The following ADARB2 variants were observed in gnomAD, a reference collection of about 807,000 sequenced individuals.
ADARB2 encodes the protein inactive double-stranded RNA-specific editase B2.
Under a neutral mutation model 62.2 loss-of-function variants are expected in ADARB2, and 25 were observed. The ratio of observed to expected loss-of-function variants is 0.40; its 90% CI spans 0.29 to 0.56. The LOEUF is 0.56. ADARB2 is among the 20% of genes least tolerant of loss of function. The probability of loss-of-function intolerance (pLI) is 0.43; values close to 1 mark genes in which losing one functional copy is unlikely to be tolerated. For synonymous variants in ADARB2, 572 were observed against 500.8 expected, an observed-to-expected ratio of 1.14 and a Z score of -1.90; for missense variants, 1,071 against 1,077.4, an observed-to-expected ratio of 0.99 and a Z score of 0.08.
chr10:1,694,488 T>C (rs1019317838), intron 1 of ADARB2, among the ~76,000 whole-genome samples: 1 of 152,086 alleles, frequency 6.6e-6, no homozygotes, highest in Non-Finnish European at 1.5e-5. Context: ...TTTTAAACTG[T>C]ACATGCACGA....
chr10:1,381,109 C>T (rs1832478588), intron 1 of ADARB2, among the ~76,000 whole-genome samples: 2 of 152,136 alleles, frequency 1.3e-5, no homozygotes, highest in Non-Finnish European at 2.9e-5. Flanking sequence ...AAACAATAGA[C>T]AATTTTTTCA....
intron 1 of ADARB2, among the ~76,000 whole-genome samples, chr10:1,453,634 A>G (rs1831063652): frequency 6.6e-6 from 1 of 152,216 alleles, no homozygotes; most frequent in African/African-American, 2.4e-5. Flanking sequence ...AATATTAAAA[A>G]TTCCTACTAC....
chr10:1,390,702 T>A (rs1163246946), intron 1 of ADARB2, among the ~76,000 whole-genome samples: 1 of 152,238 alleles, frequency 6.6e-6, no homozygotes, highest in East Asian at 1.9e-4. Flanking sequence ...TAAAAAGCCT[T>A]AGACATTGCA....
chr10:1,427,692 A>G (rs940596841), intron 1 of ADARB2, among the ~76,000 whole-genome samples: 1 of 152,236 alleles, frequency 6.6e-6, no homozygotes. Context: ...TAAACATGCA[A>G]CTACCACATG....
chr10:1,307,847 G>A (rs113031405), intron 3 of ADARB2, among the ~76,000 whole-genome samples: 6,745 of 125,926 alleles, frequency 0.054, 218 homozygotes, highest in African/African-American at 0.086. Context: ...ACCAAACACC[G>A]CATATTCTCA....
chr10:1,513,784 T>C (rs1183447545), intron 1 of ADARB2, among the ~76,000 whole-genome samples: 1 of 152,216 alleles, frequency 6.6e-6, no homozygotes, highest in Non-Finnish European at 1.5e-5. Context: ...CTAATCATGC[T>C]GGCTTGAAGT....
intron 1 of ADARB2, among the ~76,000 whole-genome samples, chr10:1,424,050 T>TACTATGTATGCAGTGGGACC (rs1832874264): frequency 6.7e-6 from 1 of 148,906 alleles, no homozygotes; most frequent in Admixed American, 6.7e-5. Context: ...GCAGTAGGTC[T>TACTATGTATGCAGTGGGACC]ACTATGTATG....
intron 1 of ADARB2, among the ~76,000 whole-genome samples, chr10:1,576,384 C>G (rs1833021931): frequency 6.8e-6 from 1 of 147,344 alleles, no homozygotes; most frequent in African/African-American, 2.5e-5. Context: ...CAGGAGGGGG[C>G]TCAGAGTCAC....
chr10:1,207,096 C>T (rs1258962225), intron 7 of ADARB2, among the ~76,000 whole-genome samples: 2 of 152,202 alleles, frequency 1.3e-5, no homozygotes, highest in African/African-American at 2.4e-5. Flanking sequence ...CCTGTAATCC[C>T]AGCACTTTGG....
intron 1 of ADARB2, among the ~76,000 whole-genome samples, chr10:1,610,380 T>C (rs1279798434): frequency 3.3e-5 from 5 of 152,234 alleles, no homozygotes; most frequent in Non-Finnish European, 7.3e-5. Flanking sequence ...TGCTCCCCTC[T>C]GTCCCCACAC....
chr10:1,298,410 G>C (rs1489479189), intron 3 of ADARB2, among the ~76,000 whole-genome samples: 1 of 152,178 alleles, frequency 6.6e-6, no homozygotes, highest in African/African-American at 2.4e-5. Context: ...TCCCAGGGCT[G>C]AGCAGATGTT....
At chr10:1,312,859 C>T (rs1351914977) in intron 3 of ADARB2, among the ~76,000 whole-genome samples, 1 of 152,208 alleles carries the variant, frequency 6.6e-6, no homozygotes, top group Non-Finnish European at 1.5e-5. Flanking sequence ...TGAGGCTGGG[C>T]ACAGCCACTG....
At chr10:1,448,417 G>A (rs1238286436) in intron 1 of ADARB2, among the ~76,000 whole-genome samples, 1 of 152,168 alleles carries the variant, frequency 6.6e-6, no homozygotes, top group Non-Finnish European at 1.5e-5. Flanking sequence ...TCTGTCACCT[G>A]TTGACTATGT....
chr10:1,184,730 CAT>C, intron 9 of ADARB2, 129 bp downstream of exon 9: 1 of 1,055,604 alleles, frequency 9.5e-7, no homozygotes, highest in South Asian at 1.7e-5. Flanking sequence ...GGGAAAAGGA[CAT>C]GTGATGGGCG....
intron 3 of ADARB2, among the ~76,000 whole-genome samples, chr10:1,297,000 T>G (rs965776487): frequency 7.9e-5 from 12 of 152,234 alleles, no homozygotes; most frequent in Admixed American, 7.9e-4. Flanking sequence ...CTTTCGTGTT[T>G]TCCTTTTCTT....
At chr10:1,650,868 G>C (rs182583475) in intron 1 of ADARB2, among the ~76,000 whole-genome samples, 1 of 152,310 alleles carries the variant, frequency 6.6e-6, no homozygotes, top group African/African-American at 2.4e-5. Flanking sequence ...ATGTAGCACG[G>C]TCACCAAAAC....
chr10:1,547,369 C>T (rs12412937), intron 1 of ADARB2, among the ~76,000 whole-genome samples: 12,341 of 48,496 alleles, frequency 0.25, 3,870 homozygotes, highest in East Asian at 0.57. Context: ...AGAGGCTGTG[C>T]AGGTCTATGT....
At chr10:1,272,629 C>T (rs1831273715) in intron 3 of ADARB2, among the ~76,000 whole-genome samples, 1 of 152,194 alleles carries the variant, frequency 6.6e-6, no homozygotes, top group African/African-American at 2.4e-5. Context: ...ATGGAAGCCC[C>T]ACATAGGACA....
At chr10:1,647,518 T>C (rs1163399714) in intron 1 of ADARB2, among the ~76,000 whole-genome samples, 1 of 152,212 alleles carries the variant, frequency 6.6e-6, no homozygotes, top group Non-Finnish European at 1.5e-5. Context: ...TGCCTGCATA[T>C]ATGCATGCAT....
Sources: gnomAD v4.1 joint callset for allele counts (sites outside exome capture counted in the v4.1 genomes callset) on GRCh38, gnomAD v4.1.1 for gene constraint, MANE v1.5 for transcripts, NCBI Gene and HGNC (gene_info 2026-07-23, HGNC 2026-07-21) for gene names.